NALF1: variants seen among roughly 807,000 people sequenced by gnomAD.
NALF1 encodes the protein NALCN channel auxiliary factor 1, also known as family with sequence similarity 155 member A.
A neutral mutation model predicts 48.4 loss-of-function variants in NALF1; 3 were observed. The observed-to-expected ratio is 0.06, with a 90% CI of 0.03 to 0.16. The LOEUF (loss-of-function observed/expected upper bound fraction) is 0.16, where lower values mean the gene tolerates loss of function less well. Among genes scored for constraint, NALF1 ranks in the 10% least tolerant of loss-of-function variants. The pLI is 1.00. For missense variants in NALF1, 526 were observed against 571.5 expected (o/e 0.92, Z 0.81); for synonymous variants, 262 against 245.7 (o/e 1.07, Z -0.62).
Position 107,501,039 on chromosome 13 carries a change from A to C in NALF1, c.916-290284T>G, listed in dbSNP as rs148291573. 7.0e-3 allele frequency among the ~76,000 whole-genome samples: 1,069 copies of C among 152,126 alleles called. 42 individuals are homozygous for C. The East Asian group carries it at 0.1, about 15-fold the overall frequency. The stretch of plus-strand genomic sequence containing the variant: ...AATGGGTGCAGCACACCAGCATGGC[A>C]CATGTATACATATGTAACTAACCTG... On this transcript the variant is annotated intron_variant, in intron 1 of 2. Coordinates refer to ENST00000375915, the MANE Select transcript of NALF1 (RefSeq NM_001080396.3).
chr13:107,700,300 A>C (rs1299612420), intron 1 of NALF1, among the ~76,000 whole-genome samples: 2 of 152,086 alleles, frequency 1.3e-5, no homozygotes, highest in Non-Finnish European at 2.9e-5. Flanking sequence ...TGTCATAAAA[A>C]TAGAAACAAA....
At chr13:107,458,481 A>G (rs1199849499) in intron 1 of NALF1, among the ~76,000 whole-genome samples, 1 of 152,232 alleles carries the variant, frequency 6.6e-6, no homozygotes, top group Non-Finnish European at 1.5e-5. Flanking sequence ...AGTAATGGCC[A>G]TGAGAAGCAG....
intron 1 of NALF1, among the ~76,000 whole-genome samples, chr13:107,661,590 T>C (rs1880736470): frequency 6.6e-6 from 1 of 152,084 alleles, no homozygotes; most frequent in Non-Finnish European, 1.5e-5. Context: ...GCATAATACC[T>C]TAACCAAGAC....
At chr13:107,864,920 ATCAACGTTTTGCTATTTAATAC>A (rs1335185250) in intron 1 of NALF1, among the ~76,000 whole-genome samples, 1 of 152,204 alleles carries the variant, frequency 6.6e-6, no homozygotes, top group Non-Finnish European at 1.5e-5. Flanking sequence ...TAACTACATC[ATCAACGTTTTGCTATTTAATAC>A]TTCTGGAAAG....
chr13:107,235,831 G>A (rs1051978709), intron 1 of NALF1, among the ~76,000 whole-genome samples: 4 of 152,138 alleles, frequency 2.6e-5, no homozygotes, highest in African/African-American at 9.7e-5. Context: ...ATCACAAATG[G>A]TGGTGATTGA....
At chr13:107,428,948 T>C (rs1398781188) in intron 1 of NALF1, among the ~76,000 whole-genome samples, 2 of 152,226 alleles carry the variant, frequency 1.3e-5, no homozygotes, top group Non-Finnish European at 2.9e-5. Context: ...AGGTGCTTAA[T>C]ATGAATAGAT....
At chr13:107,813,679 A>C (rs1261443450) in intron 1 of NALF1, among the ~76,000 whole-genome samples, 1 of 152,078 alleles carries the variant, frequency 6.6e-6, no homozygotes, top group African/African-American at 2.4e-5. Flanking sequence ...CCAGCAAAAA[A>C]AAAAAAAATT....
chr13:107,832,383 A>C (rs1460050274), intron 1 of NALF1, among the ~76,000 whole-genome samples: 5 of 152,268 alleles, frequency 3.3e-5, no homozygotes, highest in African/African-American at 1.2e-4. Context: ...CTGAATGTGC[A>C]TAAATATATA....
chr13:107,414,117 T>C (rs1015311167), intron 1 of NALF1, among the ~76,000 whole-genome samples: 2 of 152,280 alleles, frequency 1.3e-5, no homozygotes, highest in African/African-American at 4.8e-5. Flanking sequence ...TAAAATGCCA[T>C]GTAGTCAAAA....
intron 1 of NALF1, among the ~76,000 whole-genome samples, chr13:107,257,695 G>T (rs1336644809): frequency 6.6e-6 from 1 of 152,132 alleles, no homozygotes; most frequent in Non-Finnish European, 1.5e-5. Flanking sequence ...GCATGTGCAG[G>T]TGTTTCTGCA....
intron 1 of NALF1, among the ~76,000 whole-genome samples, chr13:107,371,868 T>C (rs989948484): frequency 1.3e-5 from 2 of 152,262 alleles, no homozygotes; most frequent in African/African-American, 2.4e-5. Context: ...ATTACAGTTT[T>C]AGAAATGTCT....
At chr13:107,698,736 A>G (rs772037809) in intron 1 of NALF1, among the ~76,000 whole-genome samples, 2 of 152,126 alleles carry the variant, frequency 1.3e-5, no homozygotes, top group African/African-American at 2.4e-5. Context: ...AATAAGAACT[A>G]CATTTCCCTG....
At chr13:107,449,511 A>C (rs1169085958) in intron 1 of NALF1, among the ~76,000 whole-genome samples, 1 of 152,228 alleles carries the variant, frequency 6.6e-6, no homozygotes, top group Admixed American at 6.5e-5. Flanking sequence ...TCAAGCAAGA[A>C]GTCTGGTAAA....
At chr13:107,454,385 C>G (rs1306374056) in intron 1 of NALF1, among the ~76,000 whole-genome samples, 1 of 152,138 alleles carries the variant, frequency 6.6e-6, no homozygotes, top group Non-Finnish European at 1.5e-5. Flanking sequence ...AAAGGGAAAG[C>G]AAGGCACCTT....
At chr13:107,338,288 C>G (rs1882598463) in intron 1 of NALF1, among the ~76,000 whole-genome samples, 1 of 152,090 alleles carries the variant, frequency 6.6e-6, no homozygotes, top group Admixed American at 6.6e-5. Context: ...AGGCTAAGTA[C>G]CTTTTACGTG....
At chr13:107,333,804 A>T in intron 1 of NALF1, among the ~76,000 whole-genome samples, 1 of 152,202 alleles carries the variant, frequency 6.6e-6, no homozygotes, top group East Asian at 1.9e-4. Context: ...ACCTGAGGGG[A>T]TAGAGAATGT....
At chr13:107,264,662 T>C (rs1881005101) in intron 1 of NALF1, among the ~76,000 whole-genome samples, 2 of 152,222 alleles carry the variant, frequency 1.3e-5, no homozygotes, top group South Asian at 4.1e-4. Flanking sequence ...AATAGTTTGA[T>C]ATTTATCTTT....
chr13:107,790,069 T>C (rs547224367), intron 1 of NALF1, among the ~76,000 whole-genome samples: 5 of 152,242 alleles, frequency 3.3e-5, no homozygotes, highest in Admixed American at 3.3e-4. Context: ...TGCAAAACCA[T>C]CAAGACTCAT....
chr13:107,768,106 G>C (rs915560228), intron 1 of NALF1, among the ~76,000 whole-genome samples: 1 of 152,198 alleles, frequency 6.6e-6, no homozygotes. Flanking sequence ...CACTTCAATC[G>C]TCTGAGGCTC....
Sources: gnomAD v4.1 joint callset for allele counts (sites outside exome capture counted in the v4.1 genomes callset) on GRCh38, gnomAD v4.1.1 for gene constraint, MANE v1.5 for transcripts, NCBI Gene and HGNC (gene_info 2026-07-23, HGNC 2026-07-21) for gene names.